Variants in MSH4 observed in about 807,000 individuals in gnomAD.
MSH4 encodes the protein mutS homolog 4.
MSH4 carries 106 observed loss-of-function variants against 113.7 expected under a neutral mutation model. The observed-to-expected ratio is 0.93, with a 90% CI of 0.80 to 1.10. The LOEUF is 1.10. Among genes scored for constraint, MSH4 ranks in the 50% least tolerant of loss-of-function variants. The pLI, the probability that MSH4 is intolerant of heterozygous loss-of-function variation, is 0.00. For missense variants in MSH4, 1,061 were observed against 1,093.7 expected (o/e 0.97, Z 0.42); for synonymous variants, 368 against 380.2 (o/e 0.97, Z 0.37).
At chr1:75,835,627 G>A (rs1650811102) in intron 7 of MSH4, among the ~76,000 whole-genome samples, 1 of 152,068 alleles carries the variant, frequency 6.6e-6, no homozygotes, top group Non-Finnish European at 1.5e-5. Flanking sequence ...CTTATCTCCT[G>A]TATCTTCATT....
chr1:75,893,689 C>T (rs1038735665), intron 17 of MSH4, among the ~76,000 whole-genome samples: 1 of 152,150 alleles, frequency 6.6e-6, no homozygotes, highest in South Asian at 2.1e-4. Context: ...ATACATTGCA[C>T]TCTGAAAGAA....
chr1:75,800,370 A>G (rs1212025936), intron 1 of MSH4, among the ~76,000 whole-genome samples: 1 of 152,214 alleles, frequency 6.6e-6, no homozygotes, highest in African/African-American at 2.4e-5. Flanking sequence ...ATTTTACCCT[A>G]TGGTGAGTAT....
chr1:75,837,266 A>G (rs1220606228), intron 7 of MSH4, among the ~76,000 whole-genome samples: 1 of 152,112 alleles, frequency 6.6e-6, no homozygotes, highest in Non-Finnish European at 1.5e-5. Flanking sequence ...GCAGAAAATA[A>G]ATTTCTCTTG....
intron 15 of MSH4, among the ~76,000 whole-genome samples, chr1:75,888,893 C>CTTTTT (rs74683108): frequency 2.3e-5 from 3 of 132,982 alleles, no homozygotes; most frequent in Admixed American, 7.9e-5. Flanking sequence ...GGTAGGGCAA[C>CTTTTT]TTTTTTTTTT....
chr1:75,910,429 CTTTTCTTTTT>C lies in MSH4; in HGVS notation c.2620-2253_2620-2244del, dbSNP rs1439344281. On this transcript the variant is annotated intron_variant, in intron 19 of 19. Transcript: ENST00000263187. ...TGTCCCTTCTTCACTAGTACTTTTT[CTTTTCTTTTT>C]TTTTCTTTTTTTTGAAACAAGGTCT... Among the ~76,000 whole-genome samples the C allele has an allele frequency of 5.4e-3, 826 of 151,660 alleles. 7 individuals carry two copies. Among genetic ancestry groups the C allele is most frequent in the African/African-American group, 0.019 (771 of 41,378 alleles).
chr1:75,875,465 T>C (rs1276599279), intron 9 of MSH4, among the ~76,000 whole-genome samples: 1 of 152,140 alleles, frequency 6.6e-6, no homozygotes, highest in African/African-American at 2.4e-5. Flanking sequence ...AGAAATCATG[T>C]CAATTATAAA....
At chr1:75,866,309 G>A (rs1222040989) in intron 8 of MSH4, among the ~76,000 whole-genome samples, 3 of 151,888 alleles carry the variant, frequency 2.0e-5, no homozygotes, top group Non-Finnish European at 1.5e-5. Flanking sequence ...ACAGACATGT[G>A]CCACCACACC....
At chr1:75,824,548 T>C (rs948604438) in intron 7 of MSH4, among the ~76,000 whole-genome samples, 2 of 152,346 alleles carry the variant, frequency 1.3e-5, no homozygotes, top group African/African-American at 4.8e-5. Flanking sequence ...TCTTTGCCTA[T>C]GCCTATATCC....
chr1:75,860,093 T>A (rs546054111), intron 8 of MSH4, among the ~76,000 whole-genome samples: 1 of 152,306 alleles, frequency 6.6e-6, no homozygotes, highest in Non-Finnish European at 1.5e-5. Context: ...CCCCTGCTTT[T>A]TTTTTTGCTT....
Position 75,912,804 on chromosome 1 carries a change from C to T in MSH4, c.2728C>T (p.Arg910Ter), listed in dbSNP as rs771456188. 9 of 1,591,266 alleles carry T rather than the reference C, an allele frequency of 5.7e-6. No individual in the cohort carries two copies. Among genetic ancestry groups the T allele is most frequent in the Middle Eastern group, 1.7e-4 (1 of 6,018 alleles). The change falls in exon 20 of 20, where the codon CGA becomes TGA. Residue 910 changes from arginine to a stop codon, truncating the protein, a stop_gained. Transcript: ENST00000263187. LOFTEE classifies it high-confidence loss of function. ...RNSQLDPDSL[R>*]IYLSNLKKKY... ...CTCTCAATTGGATCCAGACAGTTTA[C>T]GAATATATTTAAGTAACCTCAAGAA...
At chr1:75,822,131 T>A (rs907617742) in intron 6 of MSH4, among the ~76,000 whole-genome samples, 8 of 151,566 alleles carry the variant, frequency 5.3e-5, no homozygotes, top group African/African-American at 1.9e-4. Flanking sequence ...AATACAAAAA[T>A]ACAAAAAATT....
intron 8 of MSH4, among the ~76,000 whole-genome samples, chr1:75,859,556 A>G (rs1400027019): frequency 6.6e-6 from 1 of 152,126 alleles, no homozygotes; most frequent in East Asian, 1.9e-4. Flanking sequence ...TTCAGTTTCC[A>G]TGTAGTTGTG....
intron 8 of MSH4, among the ~76,000 whole-genome samples, chr1:75,864,986 A>T (rs1651531439): frequency 6.6e-6 from 1 of 152,114 alleles, no homozygotes; most frequent in African/African-American, 2.4e-5. Flanking sequence ...ATAGGAGTTG[A>T]TGAATAAATA....
intron 7 of MSH4, among the ~76,000 whole-genome samples, chr1:75,842,307 A>G (rs140508199): frequency 2.4e-4 from 36 of 152,266 alleles, no homozygotes; most frequent in Admixed American, 2.0e-3. Context: ...CAGGTTGTAA[A>G]ATGTTTCTCA....
At chr1:75,885,314 TG>T (rs755966813) in intron 15 of MSH4, among the ~76,000 whole-genome samples, 1 of 93,190 alleles carries the variant, frequency 1.1e-5, no homozygotes, top group Non-Finnish European at 2.2e-5. Context: ...AGACTCACAC[TG>T]GGGGTGTGTG....
chr1:75,912,864 G>A lies in MSH4; in HGVS notation c.2788G>A (p.Val930Ile). Residue 930 changes from valine (V) to isoleucine (I), a missense_variant, in exon 20 of 20, where the codon GTT (valine) becomes ATT (isoleucine). Physicochemically the swap from Val to Ile is conservative, Grantham distance 29. Coordinates refer to ENST00000263187, the MANE Select transcript of MSH4 (RefSeq NM_002440.4). ...YKEDFPRTEQ[V>I]PEKTEE ...AGAAGATTTTCCCAGGACTGAACAAGTTCCAGAAAAGACTGAAGAATAATC... is the reference window on the plus strand; with the variant it reads ...AGAAGATTTTCCCAGGACTGAACAAATTCCAGAAAAGACTGAAGAATAATC... 6.5e-7 allele frequency: 1 copy of A among 1,535,392 alleles called. No homozygotes were observed. Among genetic ancestry groups the A allele is most frequent in the African/African-American group, 1.4e-5 (1 of 71,094 alleles).
At chr1:75,902,769 T>G (rs1325085636) in intron 19 of MSH4, among the ~76,000 whole-genome samples, 2 of 140,756 alleles carry the variant, frequency 1.4e-5, no homozygotes, top group African/African-American at 2.6e-5. Context: ...CTCCGTAAGG[T>G]TGAACTAATT....
intron 10 of MSH4, among the ~76,000 whole-genome samples, chr1:75,877,209 A>G (rs1245544099): frequency 6.6e-6 from 1 of 152,136 alleles, no homozygotes; most frequent in African/African-American, 2.4e-5. Flanking sequence ...TTTGTGTTAA[A>G]GGACAATTAG....
At position 75,856,769 on chromosome 1, in the gene MSH4, G is replaced by A. The variant is rs370380457; in HGVS notation, c.1230+8493G>A. Among the ~76,000 whole-genome samples, 39 of 152,252 alleles carry A rather than the reference G, an allele frequency of 2.6e-4. 1 individual carries two copies. In the East Asian group the frequency reaches 5.0e-3, roughly 20 times the overall value. Reference sequence around the variant, plus strand: ...ACATACATGTACATGTGTCTTTATCGTAGAATGATTTATAATCTTTTGGGT... The same window carrying A: ...ACATACATGTACATGTGTCTTTATCATAGAATGATTTATAATCTTTTGGGT... On this transcript the variant is annotated intron_variant, in intron 8 of 19. Coordinates refer to ENST00000263187, the MANE Select transcript of MSH4 (RefSeq NM_002440.4).
Sources: gnomAD v4.1 joint callset for allele counts (sites outside exome capture counted in the v4.1 genomes callset) on GRCh38, gnomAD v4.1.1 for gene constraint, MANE v1.5 for transcripts, NCBI Gene and HGNC (gene_info 2026-07-23, HGNC 2026-07-21) for gene names.